The following NFAT5 variants were observed in gnomAD, a reference collection of about 807,000 sequenced individuals.
NFAT5 encodes nuclear factor of activated T cells 5.
In NFAT5, 31 loss-of-function variants were observed where a neutral mutation model predicts 166.5. The observed-to-expected ratio is 0.19, with a 90% CI of 0.14 to 0.25. The LOEUF (loss-of-function observed/expected upper bound fraction) is 0.25, where lower values mean the gene tolerates loss of function less well. Ranked by LOEUF, NFAT5 falls within the 10% of genes least tolerant of loss-of-function variation. The probability of loss-of-function intolerance (pLI) is 1.00; values close to 1 mark genes in which losing one functional copy is unlikely to be tolerated. For missense variants in NFAT5, 1,449 were observed against 1,821.8 expected, an observed-to-expected ratio of 0.80 and a Z score of 3.72; for synonymous variants, 612 against 639.7, an observed-to-expected ratio of 0.96 and a Z score of 0.65.
Position 69,591,948 on chromosome 16 carries a change from A to T in NFAT5, c.127+23400A>T, listed in dbSNP as rs576964561. Among the ~76,000 whole-genome samples, 9 of 152,244 alleles carry T rather than the reference A, an allele frequency of 5.9e-5. No homozygotes were observed. In the South Asian group the frequency reaches 1.7e-3, roughly 28 times the overall value. On this transcript the variant is annotated intron_variant, in intron 2 of 14. Transcript: ENST00000349945. ...CTGTCTTGATTTAAAAAAAAATTAC[A>T]AAAAGTCTTTCCAAAGCTATAAAAA...
At chr16:69,576,934 T>G (rs2016792583) in intron 2 of NFAT5, among the ~76,000 whole-genome samples, 1 of 152,216 alleles carries the variant, frequency 6.6e-6, no homozygotes, top group African/African-American at 2.4e-5. Context: ...TGGCAGTAGT[T>G]TTATGGAAGC....
intron 3 of NFAT5, among the ~76,000 whole-genome samples, chr16:69,628,769 A>G (rs1478467322): frequency 1.3e-5 from 2 of 151,608 alleles, no homozygotes; most frequent in African/African-American, 4.8e-5. Flanking sequence ...ATGGGTTTTT[A>G]AAAAATCTTT....
rs1323904378 is a variant in NFAT5, at chr16:69,677,184, G to T, written c.1558-19G>T. The T allele has an allele frequency of 1.9e-6, 3 of 1,590,366 alleles. No homozygotes were observed. The highest frequency in any genetic ancestry group is 2.4e-5 in the South Asian group (2 of 85,098). ...AAGTATTGCTTCTTTTCCAACTCTT[G>T]TGCTTTTCTTTACATTAGAATCATC... On this transcript the variant is annotated intron_variant, in intron 9 of 14. Coordinates refer to ENST00000349945, the MANE Select transcript of NFAT5 (RefSeq NM_138713.4).
intron 7 of NFAT5, 107 bp from the exon 8 acceptor site, chr16:69,669,870 C>T (rs1222223533): frequency 1.1e-6 from 1 of 915,532 alleles, no homozygotes; most frequent in African/African-American, 1.7e-5. Context: ...ATTTATTACT[C>T]CTCCTTCAAT....
chr16:69,622,577 A>G (rs1278437345), intron 2 of NFAT5, among the ~76,000 whole-genome samples: 5 of 152,116 alleles, frequency 3.3e-5, no homozygotes, highest in Middle Eastern at 3.2e-3. Flanking sequence ...TCTAGTGGAG[A>G]GGTATGATAC....
chr16:69,655,847 A>G, intron 6 of NFAT5, 48 bp downstream of exon 6: 3 of 1,410,614 alleles, frequency 2.1e-6, no homozygotes, highest in Non-Finnish European at 2.9e-6. Flanking sequence ...CTCTTGTGTT[A>G]GGCAGAATTG....
intron 11 of NFAT5, among the ~76,000 whole-genome samples, chr16:69,686,618 C>A (rs2037316866): frequency 6.6e-6 from 1 of 152,114 alleles, no homozygotes; most frequent in Admixed American, 6.6e-5. Context: ...AATTCCAGCA[C>A]TTTGTGGGGC....
At chr16:69,611,615 G>A (rs2033707413) in intron 2 of NFAT5, among the ~76,000 whole-genome samples, 1 of 152,212 alleles carries the variant, frequency 6.6e-6, no homozygotes, top group African/African-American at 2.4e-5. Context: ...CTGAGGGTTT[G>A]CTCTCTGCTT....
intron 2 of NFAT5, among the ~76,000 whole-genome samples, chr16:69,616,205 C>G (rs1243073882): frequency 6.6e-6 from 1 of 152,050 alleles, no homozygotes; most frequent in African/African-American, 2.4e-5. Context: ...TCAGCTCAGG[C>G]TCCAAGGCCT....
intron 9 of NFAT5, among the ~76,000 whole-genome samples, chr16:69,676,669 G>T (rs868199593): frequency 7.2e-5 from 11 of 152,094 alleles, no homozygotes; most frequent in African/African-American, 2.4e-4. Flanking sequence ...AGCAAATAGG[G>T]TAATTTGCAG....
At chr16:69,628,077 C>G (rs1425457273) in intron 3 of NFAT5, among the ~76,000 whole-genome samples, 1 of 151,892 alleles carries the variant, frequency 6.6e-6, no homozygotes, top group African/African-American at 2.4e-5. Flanking sequence ...GACGGTAGAT[C>G]CAGTTCCTTT....
intron 2 of NFAT5, among the ~76,000 whole-genome samples, chr16:69,621,804 A>G (rs573104361): frequency 4.6e-5 from 7 of 152,140 alleles, no homozygotes; most frequent in African/African-American, 1.7e-4. Context: ...TGTCTCTACA[A>G]AAAGTTTTTT....
At chr16:69,682,727 A>G (rs1394432703) in intron 10 of NFAT5, among the ~76,000 whole-genome samples, 1 of 152,174 alleles carries the variant, frequency 6.6e-6, no homozygotes, top group Non-Finnish European at 1.5e-5. Context: ...TATTACTAGA[A>G]TTAATGTCAT....
chr16:69,653,573 G>GA, intron 5 of NFAT5, 145 bp downstream of exon 5: 1 of 471,598 alleles, frequency 2.1e-6, no homozygotes, highest in Non-Finnish European at 3.5e-6. Context: ...ACTTTAGAAA[G>GA]AATTTTTTTT....
chr16:69,604,700 A>G, intron 2 of NFAT5, among the ~76,000 whole-genome samples: 1 of 152,292 alleles, frequency 6.6e-6, no homozygotes, highest in African/African-American at 2.4e-5. Context: ...CATTCCCAGA[A>G]GGAAAATCCT....
intron 2 of NFAT5, among the ~76,000 whole-genome samples, chr16:69,606,482 TG>T (rs1295706536): frequency 6.6e-6 from 1 of 152,204 alleles, no homozygotes; most frequent in East Asian, 1.9e-4. Flanking sequence ...TAATTTTAAA[TG>T]TTTTTTTAAA....
chr16:69,692,393 G>C lies in NFAT5; in HGVS notation c.2568G>C (p.Gln856His). ...ADIFQQVSQI[Q>H]SGVSPGMFSS... Reference sequence around the variant, plus strand: ...TTTTTCAACAAGTCAGTCAAATTCAGAGTGGTGTAAGCCCTGGAATGTTTT... The same window carrying C: ...TTTTTCAACAAGTCAGTCAAATTCACAGTGGTGTAAGCCCTGGAATGTTTT... The change falls in exon 13 of 15, where the codon CAG (glutamine) becomes CAC (histidine). Residue 856 changes from glutamine (Q) to histidine (H), a missense_variant. Around this residue, in one of 7 missense-constraint regions of NFAT5, gnomAD observed 891 missense variants for 993.0 expected, o/e 0.90. Coordinates refer to ENST00000349945, the MANE Select transcript of NFAT5 (RefSeq NM_138713.4). The C allele has an allele frequency of 6.2e-7, 1 of 1,614,230 alleles. No homozygotes were observed. The highest frequency in any genetic ancestry group is 8.5e-7 in the Non-Finnish European group (1 of 1,180,038).
intron 2 of NFAT5, among the ~76,000 whole-genome samples, chr16:69,621,142 A>G (rs1293764010): frequency 2.0e-5 from 3 of 152,248 alleles, no homozygotes; most frequent in South Asian, 4.1e-4. Flanking sequence ...TATATATAGA[A>G]GCTATGTGAA....
At chr16:69,613,609 G>C (rs2033804492) in intron 2 of NFAT5, among the ~76,000 whole-genome samples, 1 of 152,054 alleles carries the variant, frequency 6.6e-6, no homozygotes, top group Non-Finnish European at 1.5e-5. Flanking sequence ...CTTTTCCCCA[G>C]TCTGTCTGCT....
Sources: allele counts gnomAD v4.1 joint callset (sites outside exome capture counted in the v4.1 genomes callset), GRCh38; gene constraint gnomAD v4.1.1; regional missense constraint gnomAD v4.1.1; transcripts MANE v1.5; gene names NCBI Gene and HGNC (gene_info 2026-07-23, HGNC 2026-07-21).